Variants in SEPTIN9 observed in about 807,000 individuals in gnomAD.
The protein encoded by SEPTIN9 is septin-9.
A neutral mutation model predicts 56.6 loss-of-function variants in SEPTIN9; 13 were observed. The observed-to-expected ratio is 0.23, with a 90% CI of 0.15 to 0.37. The LOEUF (loss-of-function observed/expected upper bound fraction) is 0.37. SEPTIN9 is among the 10% of genes least tolerant of loss of function. SEPTIN9 has a pLI of 1.00. For synonymous variants in SEPTIN9, 332 were observed against 334.1 expected, an observed-to-expected ratio of 0.99 and a Z score of 0.07; for missense variants, 650 against 823.1, an observed-to-expected ratio of 0.79 and a Z score of 2.57.
Position 77,437,520 on chromosome 17 carries a change from C to T in SEPTIN9, c.721+34817C>T, listed in dbSNP as rs774704655. The stretch of plus-strand genomic sequence containing the variant: ...GTCTCTCAGTGAGGTGGGAGGACCT[C>T]GAGAGGTCAGGAGGCTGCTCAAGAC... On this transcript the variant is annotated intron_variant, in intron 3 of 11. Transcript: ENST00000427177. The surrounding 1 kb of genome is among the most constrained non-coding windows in gnomAD (Gnocchi z 5.3). Among the ~76,000 whole-genome samples, 15 of 152,036 alleles carry T rather than the reference C, an allele frequency of 9.9e-5. No individual in the cohort carries two copies. The highest frequency in any genetic ancestry group is 1.9e-4 in the Non-Finnish European group (13 of 67,996).
chr17:77,336,324 G>T (rs2033552684), intron 2 of SEPTIN9, among the ~76,000 whole-genome samples: 1 of 152,124 alleles, frequency 6.6e-6, no homozygotes, highest in Non-Finnish European at 1.5e-5. Context: ...AATTAAGGAA[G>T]AATTGGCATT....
At chr17:77,311,049 T>C (rs759850450) in intron 2 of SEPTIN9, among the ~76,000 whole-genome samples, 1 of 151,960 alleles carries the variant, frequency 6.6e-6, no homozygotes, top group Non-Finnish European at 1.5e-5. Context: ...TAGTTAAGGA[T>C]CTTGAGATGA....
At chr17:77,344,390 G>T (rs905129308) in intron 2 of SEPTIN9, among the ~76,000 whole-genome samples, 3 of 152,206 alleles carry the variant, frequency 2.0e-5, no homozygotes, top group Non-Finnish European at 2.9e-5. Context: ...AGAAATTGGA[G>T]CCCCGTGCAC....
In SEPTIN9 at chr17:77,488,793, C is replaced by G. The variant is rs1188652644; in HGVS notation, c.1191C>G (p.Ile397Met). 6.2e-7 allele frequency: 1 copy of G among 1,613,908 alleles called. No individual in the cohort carries two copies. Among genetic ancestry groups the G allele is most frequent in the Non-Finnish European group, 8.5e-7 (1 of 1,179,946 alleles). The change falls in exon 7 of 12, where the codon ATC (isoleucine) becomes ATG (methionine). Residue 397 changes from isoleucine to methionine, a missense_variant. Ile to Met is a conservative substitution (Grantham distance 10). Around this residue, in one of 2 missense-constraint regions of SEPTIN9, gnomAD observed 333 missense variants for 494.0 expected, o/e 0.67. Transcript: ENST00000427177. ...AATACCTGCAGGAGGAGGTCAACAT[C>G]AACCGCAAGAAGCGCATCCCGGACA... is the stretch of plus-strand genomic sequence containing the variant. ...YEKYLQEEVN[I>M]NRKKRIPDTR...
At chr17:77,466,542 T>C (rs1252735277) in intron 3 of SEPTIN9, 4 of 985,092 alleles carry the variant, frequency 4.1e-6, no homozygotes, top group Non-Finnish European at 4.8e-6. Context: ...TTCCAGGAGG[T>C]CACCGTTGGA....
At chr17:77,418,232 T>C (rs1187668111) in intron 3 of SEPTIN9, among the ~76,000 whole-genome samples, 1 of 152,160 alleles carries the variant, frequency 6.6e-6, no homozygotes, top group African/African-American at 2.4e-5. Flanking sequence ...GTTCAGCCTC[T>C]TGTGGGTCTG....
intron 2 of SEPTIN9, among the ~76,000 whole-genome samples, chr17:77,309,537 T>C (rs1385202545): frequency 6.6e-6 from 1 of 152,178 alleles, no homozygotes; most frequent in Non-Finnish European, 1.5e-5. Flanking sequence ...CAGACGACTG[T>C]CTGCCATCCC....
intron 3 of SEPTIN9, among the ~76,000 whole-genome samples, chr17:77,420,902 A>C (rs78625380): frequency 0.032 from 4,829 of 152,282 alleles, 109 homozygotes; most frequent in Non-Finnish European, 0.05. Flanking sequence ...GCCCTGCCCA[A>C]CAGTTACTTT....
intron 3 of SEPTIN9, among the ~76,000 whole-genome samples, chr17:77,444,171 T>C (rs2037651110): frequency 6.6e-6 from 1 of 152,068 alleles, no homozygotes. Flanking sequence ...AATTCAGGCT[T>C]GAAAATGAGT....
At chr17:77,474,776 T>A (rs1598431783) in intron 3 of SEPTIN9, among the ~76,000 whole-genome samples, 1 of 152,358 alleles carries the variant, frequency 6.6e-6, no homozygotes, top group South Asian at 2.1e-4. Flanking sequence ...CCTCTCGGTC[T>A]CGGTTTCCTT....
At chr17:77,366,156 G>C (rs2034565152) in intron 2 of SEPTIN9, among the ~76,000 whole-genome samples, 1 of 152,134 alleles carries the variant, frequency 6.6e-6, no homozygotes, top group Admixed American at 6.5e-5. Flanking sequence ...GTGCCAGGCT[G>C]GCCACTCCTT....
At chr17:77,483,559 G>C (rs1192686787) in intron 4 of SEPTIN9, 1 of 152,542 alleles carries the variant, frequency 6.6e-6, no homozygotes, top group African/African-American at 2.4e-5. Context: ...GGCCAGGCTG[G>C]GACTCATCTC....
intron 2 of SEPTIN9, among the ~76,000 whole-genome samples, chr17:77,337,198 G>T (rs2033583867): frequency 6.6e-6 from 1 of 151,810 alleles, no homozygotes. Context: ...TTGTACAGAT[G>T]GGGTCTCATT....
rs764861421 is a variant in SEPTIN9 at position 77,313,504 on chromosome 17, A to G, written c.76+6307A>G. Among the ~76,000 whole-genome samples, 1 of 152,216 alleles carries G rather than the reference A, an allele frequency of 6.6e-6. No individual in the cohort carries two copies. Among genetic ancestry groups the G allele is most frequent in the Non-Finnish European group, 1.5e-5 (1 of 68,036 alleles). On this transcript the variant is annotated intron_variant, in intron 2 of 11. Transcript: ENST00000427177. The surrounding 1 kb of genome is among the most constrained non-coding windows in gnomAD (Gnocchi z 4.5). ...ACAATAAAAAGTGGAGAAAGATTCC[A>G]GAGAGGAATGCAGCTGGCCTCAGCC...
intron 2 of SEPTIN9, among the ~76,000 whole-genome samples, chr17:77,347,737 A>T (rs1472670811): frequency 6.6e-6 from 1 of 152,072 alleles, no homozygotes; most frequent in Non-Finnish European, 1.5e-5. Flanking sequence ...ATACAGTAGA[A>T]ACTGTACTTT....
At position 77,421,058 on chromosome 17, in the gene SEPTIN9, C is replaced by A. The variant is rs913827992; in HGVS notation, c.721+18355C>A. The stretch of plus-strand genomic sequence containing the variant: ...TGGAGACGGGGTACTGTGCAGTGGT[C>A]GGGGTAGGGGTGGAGCTCTGCCGTC... On this transcript the variant is annotated intron_variant, in intron 3 of 11. Transcript: ENST00000427177. This position sits in a 1 kb window ranked among gnomAD's most constrained non-coding sequence, Gnocchi z 4.6. Among the ~76,000 whole-genome samples the A allele has an allele frequency of 1.3e-5, 2 of 152,094 alleles. No individual in the cohort carries two copies. The highest frequency in any genetic ancestry group is 3.9e-4 in the East Asian group (2 of 5,186).
chr17:77,458,794 C>G (rs967291251), intron 3 of SEPTIN9, among the ~76,000 whole-genome samples: 3 of 152,182 alleles, frequency 2.0e-5, no homozygotes. Context: ...AGTACACACC[C>G]AGCTCTAAGA....
rs1227891309 is a variant in SEPTIN9, at chr17:77,499,602, C to T, written c.*944C>T. 3 of 437,254 alleles carry T rather than the reference C, an allele frequency of 6.9e-6. No individual in the cohort carries two copies. Among genetic ancestry groups the T allele is most frequent in the Admixed American group, 3.4e-5 (1 of 29,132 alleles). The allele number at this position is 437,254 out of a possible 1,614,324, so 27.1% of individuals were successfully genotyped here. A position where few individuals can be genotyped will look rare whatever the true frequency, so the allele number is the denominator to read the frequency against. On this transcript the variant is annotated 3_prime_UTR_variant, in exon 12 of 12. Coordinates refer to ENST00000427177, the MANE Select transcript of SEPTIN9 (RefSeq NM_001113491.2). ...CCGTGGCTTGGGCTGGTCAGAGTGGCGTGAGCTGCCCGGCGCCTGCCCTGC... is the reference window on the plus strand; with the variant it reads ...CCGTGGCTTGGGCTGGTCAGAGTGGTGTGAGCTGCCCGGCGCCTGCCCTGC...
chr17:77,295,308 G>T (rs1440133480), intron 1 of SEPTIN9, among the ~76,000 whole-genome samples: 1 of 152,138 alleles, frequency 6.6e-6, no homozygotes, highest in Non-Finnish European at 1.5e-5. Context: ...TGGCAGCAGG[G>T]TGCCACCACC....
Sources: allele counts gnomAD v4.1 joint callset (sites outside exome capture counted in the v4.1 genomes callset), GRCh38; gene constraint gnomAD v4.1.1; regional missense constraint gnomAD v4.1.1; non-coding constraint Gnocchi (gnomAD v3.1); transcripts MANE v1.5; gene names NCBI Gene and HGNC (gene_info 2026-07-23, HGNC 2026-07-21).